Variants in KCNH5 observed in about 807,000 individuals in gnomAD.
The protein encoded by KCNH5 is voltage-gated delayed rectifier potassium channel KCNH5.
In KCNH5, 46 loss-of-function variants were observed where a neutral mutation model predicts 96.1. The observed-to-expected ratio is 0.48, with a 90% CI of 0.38 to 0.61. The LOEUF is 0.61. Among genes scored for constraint, KCNH5 ranks in the 20% least tolerant of loss-of-function variants. KCNH5 has a pLI of 0.00. For missense variants in KCNH5, 907 were observed against 1,225.8 expected (o/e 0.74, Z 3.88); for synonymous variants, 439 against 449.8 (o/e 0.98, Z 0.30).
intron 10 of KCNH5, chr14:62,712,758 C>T (rs1333843158): frequency 2.6e-6 from 2 of 766,700 alleles, no homozygotes; most frequent in East Asian, 4.9e-5. Flanking sequence ...TGTATACTTG[C>T]TGGGAAAGCG....
Position 62,950,401 on chromosome 14 carries a change from C to T in KCNH5, c.1101G>A (p.Trp367Ter), listed in dbSNP as rs898452733. 1 of 1,613,846 alleles carries T rather than the reference C, an allele frequency of 6.2e-7. No individual in the cohort carries two copies. Among genetic ancestry groups the T allele is most frequent in the Non-Finnish European group, 8.5e-7 (1 of 1,179,992 alleles). ...TGACCTCGTAGTCTCCGATGCTATA[C>T]CATATGCAGGCCAGCCAGTGGGCCA... is the stretch of plus-strand genomic sequence containing the variant. ...GLVAHWLACIWYSIGDYEVID... is the reference protein window; with the variant it reads ...GLVAHWLACI The change falls in exon 7 of 11, where the codon TGG (tryptophan) becomes TGA (stop). Residue 367 changes from tryptophan (W) to a stop codon, truncating the protein, a stop_gained. Coordinates refer to ENST00000322893, the MANE Select transcript of KCNH5 (RefSeq NM_139318.5). LOFTEE classifies it high-confidence loss of function.
rs1167371740 is a variant in KCNH5, at chr14:62,779,813, G to A, written c.1934C>T (p.Ala645Val). Reference protein sequence around the residue: ...YCDLHIIKREALLKVLDFYTA... With the variant: ...YCDLHIIKREVLLKVLDFYTA... ...ATAAAAGTCCAGGACTTTGAGCAAG[G>A]CTTCCCGCTTGATGATGTGTAGGTC... Residue 645 changes from alanine to valine, a missense_variant, in exon 10 of 11, where the codon GCC becomes GTC. By Grantham distance (64) the Ala-to-Val change is moderately conservative (BLOSUM62 0). Transcript: ENST00000322893. The A allele has an allele frequency of 1.9e-6, 3 of 1,613,878 alleles. No homozygotes were observed. The highest frequency in any genetic ancestry group is 2.7e-5 in the African/African-American group (2 of 74,906).
intron 9 of KCNH5, among the ~76,000 whole-genome samples, chr14:62,782,092 C>T (rs979373891): frequency 3.9e-5 from 6 of 152,250 alleles, no homozygotes; most frequent in East Asian, 3.9e-4. Flanking sequence ...CCTGACTTCC[C>T]GCAACAGACC....
chr14:62,909,995 T>G (rs1242207549), intron 7 of KCNH5, among the ~76,000 whole-genome samples: 1 of 152,184 alleles, frequency 6.6e-6, no homozygotes, highest in African/African-American at 2.4e-5. Flanking sequence ...CAGGAATTTT[T>G]GAGTGTTTTG....
intron 10 of KCNH5, among the ~76,000 whole-genome samples, chr14:62,716,468 T>A (rs1449391673): frequency 3.9e-5 from 6 of 152,158 alleles, no homozygotes; most frequent in Non-Finnish European, 5.9e-5. Flanking sequence ...CTTCCTTCAC[T>A]CCTCACTTGG....
intron 5 of KCNH5, among the ~76,000 whole-genome samples, chr14:62,983,241 G>A (rs116055497): frequency 0.022 from 3,397 of 152,038 alleles, 125 homozygotes; most frequent in African/African-American, 0.077. Flanking sequence ...GGGCTTGTTG[G>A]CACGTGCCTG....
intron 10 of KCNH5, among the ~76,000 whole-genome samples, chr14:62,717,021 A>G (rs546642984): frequency 1.6e-4 from 25 of 152,292 alleles, no homozygotes; most frequent in African/African-American, 6.0e-4. Context: ...TGAAAATGAA[A>G]TTAAGAAAAT....
At chr14:63,041,730 A>ATTATT (rs145601381) in intron 1 of KCNH5, among the ~76,000 whole-genome samples, 11,151 of 152,096 alleles carry the variant, frequency 0.073, 432 homozygotes, top group African/African-American at 0.091. Flanking sequence ...AATGGCCCTC[A>ATTATT]TTATTTTATT....
intron 7 of KCNH5, among the ~76,000 whole-genome samples, chr14:62,873,199 T>C (rs151102642): frequency 0.031 from 4,733 of 151,476 alleles, 90 homozygotes; most frequent in Middle Eastern, 0.059. Flanking sequence ...AAGAAAATGG[T>C]AAAATGCAAA....
At chr14:62,902,485 T>A (rs992989033) in intron 7 of KCNH5, among the ~76,000 whole-genome samples, 6 of 152,172 alleles carry the variant, frequency 3.9e-5, no homozygotes, top group Non-Finnish European at 7.3e-5. Context: ...TTTTCTTTCT[T>A]TTATATAAAA....
At chr14:62,941,243 C>T (rs556045310) in intron 7 of KCNH5, among the ~76,000 whole-genome samples, 15 of 152,142 alleles carry the variant, frequency 9.9e-5, no homozygotes, top group Non-Finnish European at 1.2e-4. Flanking sequence ...AAATGTCATG[C>T]TGTTTTCTGG....
intron 1 of KCNH5, among the ~76,000 whole-genome samples, chr14:63,024,359 A>G (rs1353836079): frequency 2.0e-5 from 3 of 151,960 alleles, no homozygotes; most frequent in Non-Finnish European, 4.4e-5. Context: ...ATCAACTAAT[A>G]TTATAGCTCA....
chr14:62,916,140 G>C (rs958206386), intron 7 of KCNH5, among the ~76,000 whole-genome samples: 15 of 151,892 alleles, frequency 9.9e-5, no homozygotes, highest in Non-Finnish European at 2.2e-4. Context: ...TTTTAGTAGA[G>C]ACGGGGTTTT....
At chr14:62,795,186 A>G (rs1394873059) in intron 9 of KCNH5, among the ~76,000 whole-genome samples, 2 of 152,112 alleles carry the variant, frequency 1.3e-5, no homozygotes, top group Non-Finnish European at 2.9e-5. Flanking sequence ...CTCTATCAAC[A>G]AAGGAGGAAC....
chr14:62,864,033 T>C (rs560133473), intron 7 of KCNH5, among the ~76,000 whole-genome samples: 16 of 152,292 alleles, frequency 1.1e-4, no homozygotes, highest in African/African-American at 3.4e-4. Context: ...TTGTTCTCCT[T>C]ACTTCTATTC....
intron 8 of KCNH5, among the ~76,000 whole-genome samples, chr14:62,815,679 C>T (rs1595635335): frequency 6.6e-6 from 1 of 151,804 alleles, no homozygotes; most frequent in Admixed American, 6.6e-5. Context: ...ACAAAGTTAC[C>T]TATTAAACAA....
At chr14:62,864,690 A>C (rs1888100037) in intron 7 of KCNH5, among the ~76,000 whole-genome samples, 1 of 152,244 alleles carries the variant, frequency 6.6e-6, no homozygotes, top group South Asian at 2.1e-4. Context: ...TTAATGTTGC[A>C]TATTAATTCT....
intron 3 of KCNH5, among the ~76,000 whole-genome samples, chr14:63,005,444 C>A (rs1891106461): frequency 6.6e-6 from 1 of 152,184 alleles, no homozygotes; most frequent in Non-Finnish European, 1.5e-5. Flanking sequence ...GAACATGGAA[C>A]AGGCGTTTCC....
Position 62,950,233 on chromosome 14 carries a change from G to A in KCNH5, c.1269C>T (p.Leu423=). The A allele has an allele frequency of 6.2e-7, 1 of 1,613,944 alleles. No individual in the cohort carries two copies. Among genetic ancestry groups the A allele is most frequent in the Non-Finnish European group, 8.5e-7 (1 of 1,179,906 alleles). ...TTGTAAGGCTTGTCATGGTAAAGTA[G>A]AGAGAGGACACGTACAATGAATCCT... ...PSKDSLYVSS[L]YFTMTSLTTI... The change falls in exon 7 of 11, where the codon CTC becomes CTT. Residue 423 remains leucine, a synonymous_variant. Transcript: ENST00000322893.
Sources: allele counts gnomAD v4.1 joint callset (sites outside exome capture counted in the v4.1 genomes callset), GRCh38; gene constraint gnomAD v4.1.1; transcripts MANE v1.5; gene names NCBI Gene and HGNC (gene_info 2026-07-23, HGNC 2026-07-21).